CHN2: variants seen among roughly 807,000 people sequenced by gnomAD.
The protein encoded by CHN2 is chimerin 2, also known as beta-chimaerin.
Under a neutral mutation model 56.3 loss-of-function variants are expected in CHN2, and 35 were observed. The observed-to-expected ratio is 0.62, with a 90% CI of 0.47 to 0.82. The LOEUF (loss-of-function observed/expected upper bound fraction) is 0.82, where lower values mean the gene tolerates loss of function less well. CHN2 is among the 40% of genes least tolerant of loss of function. CHN2 has a pLI of 0.00. For missense variants in CHN2, 491 were observed against 580.5 expected, an observed-to-expected ratio of 0.85 and a Z score of 1.58; for synonymous variants, 210 against 212.8, an observed-to-expected ratio of 0.99 and a Z score of 0.12.
At chr7:29,256,566 G>T (rs1789097434) in intron 1 of CHN2, among the ~76,000 whole-genome samples, 1 of 152,204 alleles carries the variant, frequency 6.6e-6, no homozygotes, top group Non-Finnish European at 1.5e-5. Flanking sequence ...CAAAGAAGTG[G>T]TGGAAGCTGG....
chr7:29,194,993 G>A lies in CHN2; in HGVS notation c.49+3G>A. 1.9e-6 allele frequency: 3 copies of A among 1,586,878 alleles called. No individual in the cohort carries two copies. Among genetic ancestry groups the A allele is most frequent in the African/African-American group, 1.4e-5 (1 of 72,362 alleles). On this transcript the variant is annotated splice_donor_region_variant and intron_variant, in intron 1 of 12. Transcript: ENST00000222792. ...GTCCGGCTCGTCGGTGTCCTCCGGT[G>A]AGTTTCAGCCCGTCGGGCGCTGCTG... is the stretch of plus-strand genomic sequence containing the variant.
Position 29,469,618 on chromosome 7 carries a change from C to T in CHN2, c.577-10661C>T, listed in dbSNP as rs1035272529. On this transcript the variant is annotated intron_variant, in intron 6 of 12. Transcript: ENST00000222792. ...TCTTCCTCCAGATGTCAGCATGGCT[C>T]ACCTATCACCTCCGGCCCGTATTTG... is the stretch of plus-strand genomic sequence containing the variant. Among the ~76,000 whole-genome samples, 10 of 152,320 alleles carry T rather than the reference C, an allele frequency of 6.6e-5. No homozygotes were observed. In the South Asian group the frequency reaches 8.3e-4, roughly 13 times the overall value.
chr7:29,428,288 A>G (rs539169634), intron 6 of CHN2, among the ~76,000 whole-genome samples: 1 of 152,362 alleles, frequency 6.6e-6, no homozygotes, highest in East Asian at 1.9e-4. Context: ...GAATAATGCC[A>G]GATGCTATAA....
At chr7:29,447,929 C>T (rs964068785) in intron 6 of CHN2, among the ~76,000 whole-genome samples, 6 of 152,216 alleles carry the variant, frequency 3.9e-5, no homozygotes, top group African/African-American at 7.2e-5. Flanking sequence ...TAGAAATTTC[C>T]GTCTTCAAAG....
chr7:29,268,158 TA>T (rs1211047705), intron 1 of CHN2, among the ~76,000 whole-genome samples: 1 of 152,122 alleles, frequency 6.6e-6, no homozygotes, highest in Non-Finnish European at 1.5e-5. Context: ...TATCCATATT[TA>T]GTATATGTGG....
chr7:29,210,580 G>A (rs1784840022), intron 1 of CHN2, among the ~76,000 whole-genome samples: 1 of 151,404 alleles, frequency 6.6e-6, no homozygotes, highest in Non-Finnish European at 1.5e-5. Context: ...TAAACCAAAG[G>A]AACTATATAT....
chr7:29,487,792 A>G (rs750304108), intron 7 of CHN2, among the ~76,000 whole-genome samples: 69 of 151,860 alleles, frequency 4.5e-4, no homozygotes, highest in Middle Eastern at 3.4e-3. Flanking sequence ...CATCCAGTAG[A>G]GGCCAGGTGT....
intron 6 of CHN2, chr7:29,479,694 TG>T: frequency 1.9e-6 from 2 of 1,050,786 alleles, no homozygotes; most frequent in Non-Finnish European, 1.2e-6. Flanking sequence ...CAGAGCTGGC[TG>T]GGGGGTGTGT....
At chr7:29,221,174 A>C (rs1205917482) in intron 1 of CHN2, among the ~76,000 whole-genome samples, 2 of 152,224 alleles carry the variant, frequency 1.3e-5, no homozygotes, top group Admixed American at 6.5e-5. Context: ...GAACAAGAAA[A>C]GATCACCAAT....
chr7:29,378,975 A>G (rs1800284839), intron 3 of CHN2, among the ~76,000 whole-genome samples: 1 of 152,222 alleles, frequency 6.6e-6, no homozygotes, highest in Non-Finnish European at 1.5e-5. Flanking sequence ...AAAGAAAGAA[A>G]AAGAAAAAGA....
chr7:29,362,683 ACT>A (rs938865320), intron 2 of CHN2, among the ~76,000 whole-genome samples: 5 of 151,704 alleles, frequency 3.3e-5, no homozygotes, highest in African/African-American at 1.2e-4. Context: ...TCTATCTGTA[ACT>A]CTCTCTCTTC....
intron 2 of CHN2, among the ~76,000 whole-genome samples, chr7:29,168,300 A>T (rs1413906092): frequency 6.6e-6 from 1 of 151,996 alleles, no homozygotes; most frequent in Non-Finnish European, 1.5e-5. Flanking sequence ...GACATTTTGG[A>T]TTCTCATCTT....
At chr7:29,218,806 G>C (rs1161788855) in intron 1 of CHN2, among the ~76,000 whole-genome samples, 1 of 128,560 alleles carries the variant, frequency 7.8e-6, no homozygotes, top group Non-Finnish European at 1.6e-5. Context: ...ACTGTTGTGG[G>C]GTGGGGGGAG....
intron 6 of CHN2, among the ~76,000 whole-genome samples, chr7:29,446,618 C>A (rs1784051817): frequency 6.6e-6 from 1 of 152,108 alleles, no homozygotes; most frequent in African/African-American, 2.4e-5. Flanking sequence ...GTTCACACGA[C>A]CCGGTAAGGA....
At chr7:29,175,703 C>T (rs1038333376) in intron 2 of CHN2, among the ~76,000 whole-genome samples, 8 of 151,448 alleles carry the variant, frequency 5.3e-5, no homozygotes, top group South Asian at 2.1e-4. Context: ...TGATAGCCAA[C>T]GGGAAGGAGA....
intron 1 of CHN2, among the ~76,000 whole-genome samples, chr7:29,217,496 A>G (rs960544139): frequency 2.0e-5 from 3 of 152,238 alleles, no homozygotes; most frequent in African/African-American, 4.8e-5. Context: ...AGCACTTGGC[A>G]CTTTTGTTAG....
At chr7:29,406,334 C>T (rs149883281) in intron 6 of CHN2, among the ~76,000 whole-genome samples, 91 of 152,198 alleles carry the variant, frequency 6.0e-4, no homozygotes, top group African/African-American at 1.7e-3. Context: ...TCTCAGGAGC[C>T]GGGTAGAACT....
chr7:29,328,328 C>G (rs564203344), intron 1 of CHN2, among the ~76,000 whole-genome samples: 3 of 152,268 alleles, frequency 2.0e-5, no homozygotes, highest in South Asian at 4.2e-4. Flanking sequence ...TCATTTTACT[C>G]TAGTTCAAAG....
At chr7:29,452,075 CT>C (rs1410165639) in intron 6 of CHN2, among the ~76,000 whole-genome samples, 3 of 152,236 alleles carry the variant, frequency 2.0e-5, no homozygotes, top group African/African-American at 7.2e-5. Context: ...ATTTAATGCC[CT>C]GCTGTTGCCT....
Sources: allele counts gnomAD v4.1 joint callset (sites outside exome capture counted in the v4.1 genomes callset), GRCh38; gene constraint gnomAD v4.1.1; transcripts MANE v1.5; gene names NCBI Gene and HGNC (gene_info 2026-07-23, HGNC 2026-07-21).